Variants in MSRA observed in about 807,000 individuals in gnomAD.
MSRA encodes mitochondrial peptide methionine sulfoxide reductase.
MSRA carries 54 observed loss-of-function variants against 31.3 expected under a neutral mutation model. The ratio of observed to expected loss-of-function variants is 1.73; its 90% CI spans 1.39 to 2.17. MSRA has a LOEUF of 2.17. Among genes scored for constraint, MSRA ranks in the 30% most tolerant of loss-of-function variants. The pLI is 0.00. For missense variants in MSRA, 507 were observed against 300.9 expected, an observed-to-expected ratio of 1.69 and a Z score of -5.07; for synonymous variants, 169 against 116.5, an observed-to-expected ratio of 1.45 and a Z score of -2.90.
chr8:10,266,958 G>T (rs141917504), intron 3 of MSRA, among the ~76,000 whole-genome samples: 1 of 152,158 alleles, frequency 6.6e-6, no homozygotes, highest in Non-Finnish European at 1.5e-5. Flanking sequence ...TTTAATGAAA[G>T]AATAATAAGG....
At chr8:10,353,872 A>G (rs1804350183) in intron 5 of MSRA, 1 of 209,452 alleles carries the variant, frequency 4.8e-6, no homozygotes, top group African/African-American at 2.3e-5. Context: ...TACATTTCAG[A>G]AAATATGAAG....
intron 2 of MSRA, among the ~76,000 whole-genome samples, chr8:10,231,787 C>T (rs1295965936): frequency 6.6e-6 from 1 of 152,116 alleles, no homozygotes; most frequent in Non-Finnish European, 1.5e-5. Context: ...CCTATAGTCC[C>T]AACTACTTGG....
At chr8:10,164,071 T>G (rs1804906941) in intron 1 of MSRA, among the ~76,000 whole-genome samples, 1 of 152,262 alleles carries the variant, frequency 6.6e-6, no homozygotes, top group South Asian at 2.1e-4. Flanking sequence ...GTTTTTCTTT[T>G]CTGTTCTCCT....
intron 5 of MSRA, among the ~76,000 whole-genome samples, chr8:10,407,907 G>A (rs1235014091): frequency 6.6e-6 from 1 of 152,142 alleles, no homozygotes; most frequent in African/African-American, 2.4e-5. Context: ...ATTTCATTAA[G>A]GATCACATCA....
At position 10,256,806 on chromosome 8, in the gene MSRA, G is replaced by A. The variant is rs978533037; in HGVS notation, c.331+11583G>A. Among the ~76,000 whole-genome samples the A allele has an allele frequency of 2.6e-5, 4 of 152,098 alleles. No individual in the cohort carries two copies. The East Asian group carries it at 5.8e-4, about 22-fold the overall frequency. ...GAAGCTATAGTCTCTGACCCCCTGA[G>A]TTTCAGCCCAGTGGGAGTGTTTCTT... On this transcript the variant is annotated intron_variant, in intron 3 of 5. Coordinates refer to ENST00000317173, the MANE Select transcript of MSRA (RefSeq NM_012331.5).
At chr8:10,246,488 T>C (rs1007637043) in intron 3 of MSRA, among the ~76,000 whole-genome samples, 9 of 152,214 alleles carry the variant, frequency 5.9e-5, no homozygotes, top group African/African-American at 2.2e-4. Context: ...TCCACTATTA[T>C]TGATGAAAAT....
At chr8:10,253,934 C>G (rs952134299) in intron 3 of MSRA, among the ~76,000 whole-genome samples, 1 of 151,914 alleles carries the variant, frequency 6.6e-6, no homozygotes, top group Non-Finnish European at 1.5e-5. Flanking sequence ...TGCAACAAGA[C>G]AGAAAAACAC....
intron 5 of MSRA, among the ~76,000 whole-genome samples, chr8:10,377,886 C>A (rs1331963128): frequency 2.0e-5 from 3 of 152,214 alleles, no homozygotes; most frequent in African/African-American, 7.2e-5. Context: ...CAGGAGGAAG[C>A]TCCCTGGCAG....
At chr8:10,111,217 C>T (rs1258884160) in intron 1 of MSRA, among the ~76,000 whole-genome samples, 2 of 152,132 alleles carry the variant, frequency 1.3e-5, no homozygotes, top group African/African-American at 4.8e-5. Flanking sequence ...GATGGCAGTA[C>T]ATGAATGTAT....
chr8:10,095,477 CAAGAA>C, intron 1 of MSRA: 1 of 985,302 alleles, frequency 1.0e-6, no homozygotes, highest in African/African-American at 1.7e-5. Context: ...CTTTTGGAGA[CAAGAA>C]TTCAGACAGA....
intron 5 of MSRA, among the ~76,000 whole-genome samples, chr8:10,400,886 A>G (rs1807419376): frequency 6.6e-6 from 1 of 152,236 alleles, no homozygotes; most frequent in African/African-American, 2.4e-5. Context: ...AAAATGGATC[A>G]AAGACCTAAA....
intron 4 of MSRA, among the ~76,000 whole-genome samples, chr8:10,307,502 A>G (rs1199658138): frequency 1.3e-5 from 2 of 152,196 alleles, no homozygotes; most frequent in South Asian, 2.1e-4. Flanking sequence ...AGTGATAACA[A>G]TTGGGCTTTT....
At chr8:10,231,620 G>C (rs775477309) in intron 2 of MSRA, among the ~76,000 whole-genome samples, 4 of 152,154 alleles carry the variant, frequency 2.6e-5, no homozygotes, top group Non-Finnish European at 5.9e-5. Context: ...AATGTGAAAA[G>C]GGTCGGGTGC....
At chr8:10,369,463 C>T (rs1302104463) in intron 5 of MSRA, among the ~76,000 whole-genome samples, 1 of 152,206 alleles carries the variant, frequency 6.6e-6, no homozygotes, top group Non-Finnish European at 1.5e-5. Flanking sequence ...ATGCCATCTA[C>T]AGAGACTGAT....
chr8:10,132,802 G>A (rs1292902955), intron 1 of MSRA, among the ~76,000 whole-genome samples: 1 of 152,238 alleles, frequency 6.6e-6, no homozygotes, highest in Non-Finnish European at 1.5e-5. Flanking sequence ...TTTACCCGGA[G>A]TCATAAAATA....
chr8:10,239,887 A>G (rs979404357), intron 2 of MSRA, among the ~76,000 whole-genome samples: 1 of 130,964 alleles, frequency 7.6e-6, no homozygotes, highest in Non-Finnish European at 1.7e-5. Flanking sequence ...AGTGTCCTGG[A>G]GTCCGGCACC....
intron 1 of MSRA, 121 bp downstream of exon 1, chr8:10,054,779 T>G (rs968274998): frequency 1.6e-5 from 19 of 1,176,748 alleles, no homozygotes; most frequent in African/African-American, 1.3e-4. Context: ...GGTCGCGGGG[T>G]GGGGGTCTGC....
intron 3 of MSRA, among the ~76,000 whole-genome samples, chr8:10,296,880 C>G (rs1156775430): frequency 1.3e-5 from 2 of 152,214 alleles, no homozygotes; most frequent in Non-Finnish European, 2.9e-5. Context: ...TCACCACTAC[C>G]TGCTGGCATC....
At chr8:10,422,171 C>T (rs562661974) in intron 5 of MSRA, among the ~76,000 whole-genome samples, 1 of 152,284 alleles carries the variant, frequency 6.6e-6, no homozygotes, top group Admixed American at 6.5e-5. Context: ...GTAGGCCCTG[C>T]TTTTCTGGAG....
Sources: gnomAD v4.1 joint callset for allele counts (sites outside exome capture counted in the v4.1 genomes callset) on GRCh38, gnomAD v4.1.1 for gene constraint, MANE v1.5 for transcripts, NCBI Gene and HGNC (gene_info 2026-07-23, HGNC 2026-07-21) for gene names.